GRXCR1: variants seen among roughly 807,000 people sequenced by gnomAD.
GRXCR1 encodes the protein glutaredoxin domain-containing cysteine-rich protein 1.
GRXCR1 carries 27 observed loss-of-function variants against 27.3 expected under a neutral mutation model. The observed-to-expected ratio is 0.99, with a 90% CI of 0.73 to 1.37. The LOEUF is 1.37. Among genes scored for constraint, GRXCR1 ranks in the 40% most tolerant of loss-of-function variants. GRXCR1 has a pLI of 0.00. For synonymous variants in GRXCR1, 122 were observed against 131.1 expected (o/e 0.93, Z 0.47); for missense variants, 379 against 354.4 (o/e 1.07, Z -0.56).
chr4:42,983,264 T>C (rs1327462280), intron 2 of GRXCR1, among the ~76,000 whole-genome samples: 8 of 147,714 alleles, frequency 5.4e-5, no homozygotes. Flanking sequence ...AGTTTCAGCT[T>C]TCTACATATG....
chr4:42,986,858 A>T (rs1227498773), intron 2 of GRXCR1, among the ~76,000 whole-genome samples: 3 of 152,016 alleles, frequency 2.0e-5, no homozygotes, highest in Non-Finnish European at 4.4e-5. Context: ...AGGCTATCTT[A>T]AAATTAGTCC....
intron 2 of GRXCR1, among the ~76,000 whole-genome samples, chr4:42,968,545 A>C (rs16855173): frequency 6.6e-6 from 1 of 152,050 alleles, no homozygotes; most frequent in Non-Finnish European, 1.5e-5. Flanking sequence ...AAATGTACAG[A>C]AAAGTGCACT....
chr4:42,988,913 T>C (rs2109789879), intron 2 of GRXCR1, among the ~76,000 whole-genome samples: 1 of 152,298 alleles, frequency 6.6e-6, no homozygotes, highest in African/African-American at 2.4e-5. Context: ...GTAAAATTTC[T>C]CTCTATTATA....
intron 2 of GRXCR1, among the ~76,000 whole-genome samples, chr4:42,983,448 G>T (rs1711555532): frequency 6.6e-6 from 1 of 151,658 alleles, no homozygotes; most frequent in South Asian, 2.1e-4. Context: ...ATGCTGTTTT[G>T]GTTACTGTAG....
chr4:42,983,365 T>C (rs1194711748), intron 2 of GRXCR1, among the ~76,000 whole-genome samples: 9 of 148,064 alleles, frequency 6.1e-5, no homozygotes, highest in Non-Finnish European at 1.0e-4. Flanking sequence ...CAGATAGTTG[T>C]AGATATGCGG....
At chr4:42,906,366 T>A (rs1205518982) in intron 1 of GRXCR1, among the ~76,000 whole-genome samples, 1 of 152,174 alleles carries the variant, frequency 6.6e-6, no homozygotes, top group African/African-American at 2.4e-5. Flanking sequence ...CACAGCGCAC[T>A]TGGCTTTATT....
chr4:42,933,558 A>G (rs1230814468), intron 1 of GRXCR1, among the ~76,000 whole-genome samples: 2 of 152,000 alleles, frequency 1.3e-5, no homozygotes, highest in South Asian at 4.2e-4. Flanking sequence ...TATCTTCCTC[A>G]AATTCATATA....
intron 3 of GRXCR1, among the ~76,000 whole-genome samples, chr4:43,024,547 T>C (rs1713195275): frequency 1.3e-5 from 2 of 152,208 alleles, no homozygotes; most frequent in Admixed American, 6.5e-5. Flanking sequence ...AGTAGGTTTA[T>C]GGCAGTTCAT....
At chr4:42,969,352 C>A (rs1352784640) in intron 2 of GRXCR1, among the ~76,000 whole-genome samples, 2 of 152,082 alleles carry the variant, frequency 1.3e-5, no homozygotes, top group Non-Finnish European at 1.5e-5. Flanking sequence ...AAAGAACTAC[C>A]TGAGACTGGG....
intron 2 of GRXCR1, among the ~76,000 whole-genome samples, chr4:43,002,442 C>A (rs1174272935): frequency 6.6e-6 from 1 of 152,220 alleles, no homozygotes; most frequent in Non-Finnish European, 1.5e-5. Context: ...CTGCACAGCC[C>A]TAGATCCCTT....
chr4:42,983,375 G>A (rs1301077199), intron 2 of GRXCR1, among the ~76,000 whole-genome samples: 1 of 149,724 alleles, frequency 6.7e-6, no homozygotes, highest in African/African-American at 2.5e-5. Flanking sequence ...TAGATATGCG[G>A]CGTTATTTCT....
chr4:43,020,345 C>G lies in GRXCR1; in HGVS notation c.628-9C>G, dbSNP rs606231120. The G allele has an allele frequency of 1.3e-6, 2 of 1,587,426 alleles. No homozygotes were observed. The highest frequency in any genetic ancestry group is 8.7e-7 in the Non-Finnish European group (1 of 1,155,862). On this transcript the variant is annotated splice_polypyrimidine_tract_variant and intron_variant, in intron 2 of 3. Transcript: ENST00000399770. Reference sequence around the variant, plus strand: ...ATGGATTTTTCTCCCTACTCTCTCTCGTTAATAGGGTGCTGAGAAAATTTT... The same window carrying G: ...ATGGATTTTTCTCCCTACTCTCTCTGGTTAATAGGGTGCTGAGAAAATTTT...
At chr4:43,021,991 G>A (rs1236353789) in intron 3 of GRXCR1, among the ~76,000 whole-genome samples, 1 of 152,086 alleles carries the variant, frequency 6.6e-6, no homozygotes, top group Non-Finnish European at 1.5e-5. Context: ...TTAAATCGGG[G>A]TGTGTACTTG....
chr4:42,936,534 G>A (rs1348271196), intron 1 of GRXCR1, among the ~76,000 whole-genome samples: 1 of 151,814 alleles, frequency 6.6e-6, no homozygotes, highest in Non-Finnish European at 1.5e-5. Context: ...TTATTAACAT[G>A]TTAAAATAAG....
intron 3 of GRXCR1, among the ~76,000 whole-genome samples, chr4:43,024,045 C>T (rs1713176175): frequency 6.6e-6 from 1 of 152,048 alleles, no homozygotes; most frequent in Non-Finnish European, 1.5e-5. Flanking sequence ...GATATATTAC[C>T]ATACCACTGG....
At chr4:42,921,274 G>T (rs1271951977) in intron 1 of GRXCR1, among the ~76,000 whole-genome samples, 1 of 152,094 alleles carries the variant, frequency 6.6e-6, no homozygotes, top group African/African-American at 2.4e-5. Flanking sequence ...CTGGTACCTT[G>T]ATCCTGGACT....
At chr4:42,906,935 T>C (rs1296652396) in intron 1 of GRXCR1, among the ~76,000 whole-genome samples, 2 of 152,222 alleles carry the variant, frequency 1.3e-5, no homozygotes, top group African/African-American at 4.8e-5. Flanking sequence ...CTTTTTATTA[T>C]TTTCCCTATT....
At chr4:42,922,886 C>A (rs1747051804) in intron 1 of GRXCR1, among the ~76,000 whole-genome samples, 1 of 152,070 alleles carries the variant, frequency 6.6e-6, no homozygotes, top group Non-Finnish European at 1.5e-5. Flanking sequence ...CTACGGTATC[C>A]TCCTCTGGCT....
At chr4:42,992,547 T>G (rs1177282944) in intron 2 of GRXCR1, among the ~76,000 whole-genome samples, 1 of 152,160 alleles carries the variant, frequency 6.6e-6, no homozygotes, top group African/African-American at 2.4e-5. Context: ...TGCTTAGAAC[T>G]CCAGTGTAAC....
Sources: gnomAD v4.1 joint callset for allele counts (sites outside exome capture counted in the v4.1 genomes callset) on GRCh38, gnomAD v4.1.1 for gene constraint, MANE v1.5 for transcripts, NCBI Gene and HGNC (gene_info 2026-07-23, HGNC 2026-07-21) for gene names.